The following ZBTB7C variants were observed in gnomAD, a reference collection of about 807,000 sequenced individuals.
ZBTB7C encodes zinc finger and BTB domain-containing protein 7C.
In ZBTB7C, 8 loss-of-function variants were observed where a neutral mutation model predicts 25.7. That is an observed-to-expected ratio of 0.31 (90% confidence interval 0.18 to 0.56). ZBTB7C has a LOEUF of 0.56. Ranked by LOEUF, ZBTB7C falls within the 20% of genes least tolerant of loss-of-function variation. ZBTB7C has a pLI of 0.91. For synonymous variants in ZBTB7C, 394 were observed against 369.0 expected, an observed-to-expected ratio of 1.07 and a Z score of -0.78; for missense variants, 824 against 855.2, an observed-to-expected ratio of 0.96 and a Z score of 0.46.
At chr18:48,266,888 T>C (rs1255383696) in intron 2 of ZBTB7C, among the ~76,000 whole-genome samples, 1 of 152,160 alleles carries the variant, frequency 6.6e-6, no homozygotes. Context: ...GCAAAAGGAA[T>C]ATTATAAGAT....
rs549128435 is a variant in ZBTB7C at position 48,134,644 on chromosome 18, A to G, written c.-17+51290T>C. Among the ~76,000 whole-genome samples the G allele has an allele frequency of 7.2e-5, 11 of 152,298 alleles. No homozygotes were observed. In the East Asian group the frequency reaches 9.7e-4, roughly 13 times the overall value. ...GCGCTTGAAGCTAAACTCGAGTCCT[A>G]TGAAAATGCCATCCTGGCCACTGAG... is the stretch of plus-strand genomic sequence containing the variant. On this transcript the variant is annotated intron_variant, in intron 3 of 4. Coordinates refer to ENST00000590800, the MANE Select transcript of ZBTB7C (RefSeq NM_001318841.2).
chr18:48,330,145 C>G (rs1247390830), intron 2 of ZBTB7C, among the ~76,000 whole-genome samples: 1 of 152,206 alleles, frequency 6.6e-6, no homozygotes, highest in Non-Finnish European at 1.5e-5. Context: ...AGCCTTCTAA[C>G]AAGCTCGGAG....
At chr18:48,033,959 A>G (rs1166760231) in intron 4 of ZBTB7C, among the ~76,000 whole-genome samples, 1 of 152,056 alleles carries the variant, frequency 6.6e-6, no homozygotes, top group Non-Finnish European at 1.5e-5. Flanking sequence ...GTGCTCCATG[A>G]GTGTATGCAT....
chr18:48,046,942 A>C (rs1052191514), intron 3 of ZBTB7C, among the ~76,000 whole-genome samples: 2 of 152,124 alleles, frequency 1.3e-5, no homozygotes, highest in Non-Finnish European at 2.9e-5. Flanking sequence ...CCTGGACTTG[A>C]AGGCTGGTTT....
chr18:48,244,444 A>T (rs968339427), intron 2 of ZBTB7C, among the ~76,000 whole-genome samples: 4 of 151,678 alleles, frequency 2.6e-5, no homozygotes, highest in Admixed American at 2.0e-4. Context: ...TATAGATGGG[A>T]CTTAATTAAA....
At chr18:48,042,457 C>T (rs186013854) in intron 3 of ZBTB7C, among the ~76,000 whole-genome samples, 11 of 152,288 alleles carry the variant, frequency 7.2e-5, no homozygotes, top group African/African-American at 2.2e-4. Flanking sequence ...AAAACAAATC[C>T]TAAAGCCCCA....
chr18:48,124,035 CT>C (rs1368650136), intron 3 of ZBTB7C, among the ~76,000 whole-genome samples: 1 of 152,172 alleles, frequency 6.6e-6, no homozygotes, highest in Non-Finnish European at 1.5e-5. Context: ...GCAAAGCTCT[CT>C]GTGAGGAATC....
chr18:48,163,258 G>T (rs908261849), intron 3 of ZBTB7C, among the ~76,000 whole-genome samples: 1 of 152,212 alleles, frequency 6.6e-6, no homozygotes, highest in Non-Finnish European at 1.5e-5. Flanking sequence ...ATGTGGCTGG[G>T]CATGAGCATG....
chr18:48,137,974 T>C (rs1482680054), intron 3 of ZBTB7C, among the ~76,000 whole-genome samples: 1 of 152,258 alleles, frequency 6.6e-6, no homozygotes, highest in Non-Finnish European at 1.5e-5. Flanking sequence ...AGGCCTCTTT[T>C]ACCCTGGAAC....
chr18:48,049,403 C>T (rs1338343563), intron 3 of ZBTB7C, among the ~76,000 whole-genome samples: 1 of 152,150 alleles, frequency 6.6e-6, no homozygotes, highest in African/African-American at 2.4e-5. Flanking sequence ...AAGTCCCATT[C>T]CCCCAGTGAG....
chr18:48,092,807 G>A (rs191576787), intron 3 of ZBTB7C, among the ~76,000 whole-genome samples: 1 of 152,330 alleles, frequency 6.6e-6, no homozygotes, highest in East Asian at 1.9e-4. Flanking sequence ...TATTCATGCA[G>A]CTTTGGTTTC....
chr18:48,246,144 C>G (rs560135161), intron 2 of ZBTB7C, among the ~76,000 whole-genome samples: 45 of 152,192 alleles, frequency 3.0e-4, no homozygotes, highest in African/African-American at 1.0e-3. Context: ...TCTTCCATAG[C>G]AGGAAGTCAG....
chr18:48,093,324 A>C (rs1307895466), intron 3 of ZBTB7C, among the ~76,000 whole-genome samples: 1 of 152,206 alleles, frequency 6.6e-6, no homozygotes, highest in Non-Finnish European at 1.5e-5. Context: ...CCTAGCCAGA[A>C]GCCTACTGGC....
intron 3 of ZBTB7C, among the ~76,000 whole-genome samples, chr18:48,054,999 T>C (rs1417473026): frequency 6.6e-6 from 1 of 152,134 alleles, no homozygotes; most frequent in East Asian, 1.9e-4. Flanking sequence ...TTGACTGGGC[T>C]TCATGCTGTG....
At chr18:48,041,166 G>A (rs754394683) in intron 3 of ZBTB7C, 43 bp from the exon 4 acceptor site, 2 of 1,530,252 alleles carry the variant, frequency 1.3e-6, no homozygotes, top group Non-Finnish European at 1.8e-6. Context: ...AGTGAGCGTG[G>A]CCCCAGGAGG....
intron 3 of ZBTB7C, among the ~76,000 whole-genome samples, chr18:48,152,072 A>G (rs1297452843): frequency 6.6e-6 from 1 of 152,054 alleles, no homozygotes; most frequent in Non-Finnish European, 1.5e-5. Context: ...AGGAGTCTGA[A>G]TATGGTGGGG....
chr18:48,253,261 A>G (rs533231342), intron 2 of ZBTB7C, among the ~76,000 whole-genome samples: 3 of 152,304 alleles, frequency 2.0e-5, no homozygotes, highest in East Asian at 3.9e-4. Flanking sequence ...GGATCTAGTC[A>G]AGGTAAAATA....
chr18:48,286,701 T>C lies in ZBTB7C; in HGVS notation c.-79+51473A>G, dbSNP rs557456201. ...TTTTAAATTTTGGGCTTTGAATAACTAGTGTGTTTAACACCAGCCTTGCAC... is the reference window on the plus strand; with the variant it reads ...TTTTAAATTTTGGGCTTTGAATAACCAGTGTGTTTAACACCAGCCTTGCAC... On this transcript the variant is annotated intron_variant, in intron 2 of 4. Coordinates refer to ENST00000590800, the MANE Select transcript of ZBTB7C (RefSeq NM_001318841.2). Among the ~76,000 whole-genome samples the C allele has an allele frequency of 1.1e-3, 168 of 152,290 alleles. 1 individual carries two copies. Among genetic ancestry groups the C allele is most frequent in the African/African-American group, 4.0e-3 (168 of 41,570 alleles).
At chr18:48,221,702 A>G (rs947459796) in intron 2 of ZBTB7C, among the ~76,000 whole-genome samples, 2 of 133,898 alleles carry the variant, frequency 1.5e-5, no homozygotes, top group African/African-American at 5.8e-5. Context: ...CAGTCTCCCT[A>G]TACTGTCCAA....
Sources: allele counts gnomAD v4.1 joint callset (sites outside exome capture counted in the v4.1 genomes callset), GRCh38; gene constraint gnomAD v4.1.1; transcripts MANE v1.5; gene names NCBI Gene and HGNC (gene_info 2026-07-23, HGNC 2026-07-21).